The following TIMP2 variants were observed in gnomAD, a reference collection of about 807,000 sequenced individuals.
The protein encoded by TIMP2 is TIMP metallopeptidase inhibitor 2, also known as metalloproteinase inhibitor 2.
Under a neutral mutation model 24.3 loss-of-function variants are expected in TIMP2, and 5 were observed. That is an observed-to-expected ratio of 0.21 (90% CI 0.11 to 0.43). The LOEUF is 0.43. Among genes scored for constraint, TIMP2 ranks in the 20% least tolerant of loss-of-function variants. The pLI is 1.00. For missense variants in TIMP2, 221 were observed against 297.5 expected (o/e 0.74, Z 1.89); for synonymous variants, 130 against 123.2 (o/e 1.06, Z -0.37).
At chr17:78,907,772 T>TC (rs2145790210) in intron 1 of TIMP2, among the ~76,000 whole-genome samples, 1 of 152,204 alleles carries the variant, frequency 6.6e-6, no homozygotes, top group South Asian at 2.1e-4. Context: ...ACCCATGGAA[T>TC]TCATGTTCAT....
intron 4 of TIMP2, 58 bp downstream of exon 4, chr17:78,857,464 C>T (rs751070884): frequency 6.2e-6 from 10 of 1,607,912 alleles, no homozygotes; most frequent in East Asian, 2.2e-5. Flanking sequence ...AAATCCCTGC[C>T]GTCCATCTGG....
intron 1 of TIMP2, chr17:78,899,995 A>C (rs2145782504): frequency 6.6e-6 from 1 of 152,356 alleles, no homozygotes; most frequent in South Asian, 2.1e-4. Flanking sequence ...ATGGAAAGTT[A>C]GACATTTCTC....
At chr17:78,907,197 C>G (rs1424018434) in intron 1 of TIMP2, among the ~76,000 whole-genome samples, 1 of 151,268 alleles carries the variant, frequency 6.6e-6, no homozygotes, top group East Asian at 2.0e-4. Context: ...CCACACCCAG[C>G]TAAGTTCTTT....
In TIMP2 at chr17:78,871,200, C is replaced by T. The variant is rs148124722; in HGVS notation, c.232-194G>A. ...GGGCTCAGGGCTCATGGCTGTAGTC[C>T]CAGCACTTTGGGAGGCTGAGGTGGG... is the stretch of plus-strand genomic sequence containing the variant. On this transcript the variant is annotated intron_variant, in intron 2 of 4. Coordinates refer to ENST00000262768, the MANE Select transcript of TIMP2 (RefSeq NM_003255.5). Among the ~76,000 whole-genome samples, 1,111 of 152,142 alleles carry T rather than the reference C, an allele frequency of 7.3e-3. 17 individuals are homozygous for T. Among genetic ancestry groups the T allele is most frequent in the African/African-American group, 0.025 (1,052 of 41,494 alleles).
At chr17:78,916,099 AAGAC>A (rs759169034) in intron 1 of TIMP2, among the ~76,000 whole-genome samples, 2 of 152,054 alleles carry the variant, frequency 1.3e-5, no homozygotes, top group African/African-American at 2.4e-5. Context: ...CAAGAACACA[AAGAC>A]AGGGAGAGCC....
chr17:78,917,962 C>G (rs1307228148), intron 1 of TIMP2, among the ~76,000 whole-genome samples: 1 of 152,112 alleles, frequency 6.6e-6, no homozygotes, highest in Non-Finnish European at 1.5e-5. Flanking sequence ...TAAAAAGACT[C>G]CTTTTAAATG....
chr17:78,920,748 C>T lies in TIMP2; in HGVS notation c.130+4211G>A, dbSNP rs1195281011. 1.3e-5 allele frequency among the ~76,000 whole-genome samples: 2 copies of T among 152,172 alleles called. No homozygotes were observed. The highest frequency in any genetic ancestry group is 2.4e-5 in the African/African-American group (1 of 41,426). ...ATCTGTTGTTAATTATTTACCGAAA[C>T]CACACTGAGTGGACTGACTTTATAC... On this transcript the variant is annotated intron_variant, in intron 1 of 4. Transcript: ENST00000262768. This position sits in a 1 kb window ranked among gnomAD's most constrained non-coding sequence, Gnocchi z 4.5.
chr17:78,887,631 T>C (rs1032441788), intron 1 of TIMP2, among the ~76,000 whole-genome samples: 4 of 151,924 alleles, frequency 2.6e-5, no homozygotes, highest in African/African-American at 9.7e-5. Context: ...GTGATCCACC[T>C]GCCTCGGCCT....
intron 1 of TIMP2, among the ~76,000 whole-genome samples, chr17:78,885,128 C>T (rs916274258): frequency 2.0e-5 from 3 of 152,242 alleles, no homozygotes; most frequent in Non-Finnish European, 2.9e-5. Context: ...ACCAACAGGG[C>T]GACCCACGCA....
chr17:78,859,447 G>A (rs1366577527), intron 3 of TIMP2, among the ~76,000 whole-genome samples: 1 of 152,120 alleles, frequency 6.6e-6, no homozygotes, highest in Non-Finnish European at 1.5e-5. Context: ...ATCACTTGAG[G>A]TCAGGAGTTC....
At position 78,899,317 on chromosome 17, in the gene TIMP2, C is replaced by G. The variant is rs1173689612; in HGVS notation, c.131-25398G>C. On this transcript the variant is annotated intron_variant, in intron 1 of 4. Transcript: ENST00000262768. ...CCCCCAGGCCTGCACCCCGTCCTCTCCCGCACTGCAGCCCAGCGCTGTCTA... is the reference window on the plus strand; with the variant it reads ...CCCCCAGGCCTGCACCCCGTCCTCTGCCGCACTGCAGCCCAGCGCTGTCTA... 3 of 153,008 alleles carry G rather than the reference C, an allele frequency of 2.0e-5. No individual in the cohort carries two copies. The Admixed American group carries it at 2.0e-4, about 10-fold the overall frequency. 9.5% of individuals were successfully genotyped at this position (153,008 alleles called of 1,614,324 possible).
intron 1 of TIMP2, among the ~76,000 whole-genome samples, chr17:78,876,681 T>G (rs1462832725): frequency 2.1e-5 from 3 of 143,232 alleles, no homozygotes; most frequent in African/African-American, 8.1e-5. Flanking sequence ...CTTGCCAGGC[T>G]AATTTTTTTT....
intron 3 of TIMP2, among the ~76,000 whole-genome samples, chr17:78,863,951 T>C (rs2069587475): frequency 6.6e-6 from 1 of 152,134 alleles, no homozygotes; most frequent in Admixed American, 6.6e-5. Flanking sequence ...CAGGTAAAGT[T>C]ACTTGGCCAA....
chr17:78,912,841 CTGTTGT>C (rs2070221186), intron 1 of TIMP2, among the ~76,000 whole-genome samples: 1 of 152,214 alleles, frequency 6.6e-6, no homozygotes, highest in East Asian at 1.9e-4. Context: ...CCATTCAACT[CTGTTGT>C]TATAGCACAA....
chr17:78,873,343 A>C (rs1182860311), intron 2 of TIMP2, among the ~76,000 whole-genome samples: 2 of 130,398 alleles, frequency 1.5e-5, no homozygotes, highest in African/African-American at 2.9e-5. Flanking sequence ...TCACTCTGTC[A>C]CCCAGGCTGG....
intron 1 of TIMP2, among the ~76,000 whole-genome samples, chr17:78,881,357 T>C (rs1454362229): frequency 1.3e-5 from 2 of 152,232 alleles, no homozygotes; most frequent in African/African-American, 4.8e-5. Context: ...GGGTCATTCC[T>C]GGGAGTCGGG....
intron 1 of TIMP2, among the ~76,000 whole-genome samples, chr17:78,884,617 G>GC (rs775005500): frequency 6.6e-4 from 101 of 151,972 alleles, no homozygotes; most frequent in Admixed American, 2.3e-3. Flanking sequence ...GCTGAGCGGC[G>GC]CCCCCAGACT....
At chr17:78,914,556 T>C (rs2070239108) in intron 1 of TIMP2, among the ~76,000 whole-genome samples, 1 of 151,722 alleles carries the variant, frequency 6.6e-6, no homozygotes, top group African/African-American at 2.4e-5. Context: ...GCACTGGGAT[T>C]ACAGGGATGA....
At chr17:78,879,133 G>A (rs897675292) in intron 1 of TIMP2, among the ~76,000 whole-genome samples, 1 of 152,198 alleles carries the variant, frequency 6.6e-6, no homozygotes, top group African/African-American at 2.4e-5. Context: ...GGTACAGGGT[G>A]AATCCTGCAT....
Sources: gnomAD v4.1 joint callset for allele counts (sites outside exome capture counted in the v4.1 genomes callset) on GRCh38, gnomAD v4.1.1 for gene constraint, Gnocchi (gnomAD v3.1) non-coding constraint, MANE v1.5 for transcripts, NCBI Gene and HGNC (gene_info 2026-07-23, HGNC 2026-07-21) for gene names.